The following ME1 variants were observed in gnomAD, a reference collection of about 807,000 sequenced individuals.
The protein encoded by ME1 is NADP-dependent malic enzyme.
Under a neutral mutation model 66.4 loss-of-function variants are expected in ME1, and 74 were observed. The ratio of observed to expected loss-of-function variants is 1.11; its 90% CI spans 0.92 to 1.35. The LOEUF (loss-of-function observed/expected upper bound fraction) is 1.35. ME1 is among the 40% of genes most tolerant of loss of function. The probability of loss-of-function intolerance (pLI) is 0.00; values close to 1 mark genes in which losing one functional copy is unlikely to be tolerated. For missense variants in ME1, 750 were observed against 694.1 expected (o/e 1.08, Z -0.90); for synonymous variants, 251 against 235.6 (o/e 1.07, Z -0.60).
intron 7 of ME1, among the ~76,000 whole-genome samples, chr6:83,242,668 C>T (rs72907968): frequency 1.5e-4 from 23 of 152,088 alleles, no homozygotes; most frequent in Middle Eastern, 3.4e-3. Context: ...CTTTCCCCAA[C>T]AAACTCTACT....
At chr6:83,424,569 T>G (rs1770332774) in intron 1 of ME1, among the ~76,000 whole-genome samples, 1 of 151,232 alleles carries the variant, frequency 6.6e-6, no homozygotes, top group African/African-American at 2.4e-5. Flanking sequence ...TTGTCAAAAA[T>G]TGGCAATGGC....
intron 6 of ME1, among the ~76,000 whole-genome samples, chr6:83,302,851 TG>T (rs1767752784): frequency 6.6e-6 from 1 of 152,064 alleles, no homozygotes; most frequent in Non-Finnish European, 1.5e-5. Flanking sequence ...GTGAAGTGCA[TG>T]GGCCAGATCA....
intron 6 of ME1, among the ~76,000 whole-genome samples, chr6:83,286,335 C>A (rs542481128): frequency 6.6e-6 from 1 of 152,200 alleles, no homozygotes; most frequent in South Asian, 2.1e-4. Context: ...AGCTGTGACT[C>A]GTTATTAACA....
intron 1 of ME1, among the ~76,000 whole-genome samples, chr6:83,422,618 T>C (rs1770289496): frequency 6.6e-6 from 1 of 151,934 alleles, no homozygotes; most frequent in African/African-American, 2.4e-5. Flanking sequence ...TCTAAATAAA[T>C]GGAAAGAAAG....
chr6:83,273,274 GA>G (rs1767118212), intron 6 of ME1, among the ~76,000 whole-genome samples: 1 of 150,140 alleles, frequency 6.7e-6, no homozygotes, highest in African/African-American at 2.5e-5. Flanking sequence ...CATAAAATAA[GA>G]AGGTTTTAAT....
chr6:83,307,145 C>T (rs74527855), intron 6 of ME1, among the ~76,000 whole-genome samples: 1,916 of 151,832 alleles, frequency 0.013, 21 homozygotes, highest in Non-Finnish European at 0.021. Flanking sequence ...AATATAAGTG[C>T]ACATGTTTTT....
intron 6 of ME1, among the ~76,000 whole-genome samples, chr6:83,308,810 T>C (rs1767875438): frequency 6.6e-6 from 1 of 151,792 alleles, no homozygotes; most frequent in Non-Finnish European, 1.5e-5. Flanking sequence ...ATGTCAGATA[T>C]TTATAAATGT....
In ME1 at chr6:83,314,248, T is replaced by C. The variant is rs1390868357; in HGVS notation, c.704+1062A>G. 3.9e-5 allele frequency among the ~76,000 whole-genome samples: 6 copies of C among 152,266 alleles called. No homozygotes were observed. In the East Asian group the frequency reaches 9.6e-4, roughly 24 times the overall value. On this transcript the variant is annotated intron_variant, in intron 6 of 13. Transcript: ENST00000369705. Reference sequence around the variant, plus strand: ...ACAATCAAATGCTAACTTAAAAAGATACAGGTTGAGCATCTCTAATCCAAA... The same window carrying C: ...ACAATCAAATGCTAACTTAAAAAGACACAGGTTGAGCATCTCTAATCCAAA...
At chr6:83,230,723 A>C (rs1358948285) in intron 9 of ME1, among the ~76,000 whole-genome samples, 1 of 152,152 alleles carries the variant, frequency 6.6e-6, no homozygotes, top group Non-Finnish European at 1.5e-5. Context: ...CGAGGTCAGG[A>C]GATCGAGACC....
chr6:83,414,961 G>A (rs1770130843), intron 1 of ME1, among the ~76,000 whole-genome samples: 2 of 152,120 alleles, frequency 1.3e-5, no homozygotes, highest in Admixed American at 1.3e-4. Flanking sequence ...ACTAGCAATG[G>A]ACACAAATGA....
chr6:83,257,423 G>A (rs1164453513), intron 6 of ME1, among the ~76,000 whole-genome samples: 1 of 152,088 alleles, frequency 6.6e-6, no homozygotes, highest in Non-Finnish European at 1.5e-5. Context: ...ACAGAGTGAA[G>A]AAGGTGGCAA....
In ME1 at chr6:83,330,023, GT is replaced by G. The variant is rs1412910545; in HGVS notation, c.601-14611del. ...TTTGCAGAGACAAGGTCTTGCTTAT[GT>G]TGCCCAGGCTGGTCTTGAACTCCTG... On this transcript the variant is annotated intron_variant, in intron 5 of 13. Transcript: ENST00000369705. 2.6e-5 allele frequency among the ~76,000 whole-genome samples: 4 copies of G among 152,190 alleles called. No individual in the cohort carries two copies. The East Asian group carries it at 7.7e-4, about 29-fold the overall frequency.
chr6:83,371,128 C>A (rs536380256), intron 3 of ME1, among the ~76,000 whole-genome samples: 6 of 152,256 alleles, frequency 3.9e-5, no homozygotes, highest in Admixed American at 3.9e-4. Flanking sequence ...TTGCTATAAA[C>A]TTTCTAATAA....
rs1249303587 is a variant in ME1 at position 83,237,797 on chromosome 6, C to T, written c.946G>A (p.Ala316Thr). 7 of 1,607,842 alleles carry T rather than the reference C, an allele frequency of 4.4e-6. No individual in the cohort carries two copies. The Admixed American group carries it at 1.0e-4, about 23-fold the overall frequency. The change falls in exon 9 of 14, where the codon GCC becomes ACC. Residue 316 changes from alanine (A) to threonine (T), a missense_variant. Physicochemically the swap from Ala to Thr is moderately conservative, Grantham distance 58 (BLOSUM62 0). Coordinates refer to ENST00000369705, the MANE Select transcript of ME1 (RefSeq NM_002395.6). Reference sequence around the variant, plus strand: ...TTTGGTAAACCTTCTTTTTCCAAGGCCATCACAATCAGGTGTGCAATCCCT... The same window carrying T: ...TTTGGTAAACCTTCTTTTTCCAAGGTCATCACAATCAGGTGTGCAATCCCT... ...ALGIAHLIVM[A>T]LEKEGLPKEK...
chr6:83,223,070 T>G (rs1583325886), intron 12 of ME1, among the ~76,000 whole-genome samples: 1 of 152,368 alleles, frequency 6.6e-6, no homozygotes, highest in Non-Finnish European at 1.5e-5. Context: ...GACTTTCACT[T>G]TAAACCTTCA....
intron 9 of ME1, among the ~76,000 whole-genome samples, chr6:83,236,138 T>C (rs1790400201): frequency 6.6e-6 from 1 of 152,132 alleles, no homozygotes; most frequent in South Asian, 2.1e-4. Context: ...TTGAAAACAA[T>C]TTAAAGCCTA....
intron 2 of ME1, among the ~76,000 whole-genome samples, chr6:83,402,144 G>T (rs1769852040): frequency 6.6e-6 from 1 of 152,166 alleles, no homozygotes; most frequent in Admixed American, 6.5e-5. Flanking sequence ...TGAAGCAACT[G>T]GCTTGACAGA....
chr6:83,377,679 G>T (rs991780468), intron 3 of ME1, among the ~76,000 whole-genome samples: 19 of 151,562 alleles, frequency 1.3e-4, no homozygotes, highest in African/African-American at 4.6e-4. Context: ...ATAATTATTT[G>T]AAAAAAAATG....
At chr6:83,400,963 C>T (rs542852653) in intron 2 of ME1, among the ~76,000 whole-genome samples, 8 of 152,266 alleles carry the variant, frequency 5.3e-5, no homozygotes, top group African/African-American at 1.9e-4. Context: ...TGCTCCACCA[C>T]CTTTGATTAT....
Sources: gnomAD v4.1 joint callset for allele counts (sites outside exome capture counted in the v4.1 genomes callset) on GRCh38, gnomAD v4.1.1 for gene constraint, MANE v1.5 for transcripts, NCBI Gene and HGNC (gene_info 2026-07-23, HGNC 2026-07-21) for gene names.